KIDINS220: variants seen among roughly 807,000 people sequenced by gnomAD.
The protein encoded by KIDINS220 is kinase D-interacting substrate of 220 kDa.
Under a neutral mutation model 157.6 loss-of-function variants are expected in KIDINS220, and 63 were observed. That is an observed-to-expected ratio of 0.40 (90% CI 0.33 to 0.49). The LOEUF (loss-of-function observed/expected upper bound fraction) is 0.49, where lower values mean the gene tolerates loss of function less well. Among genes scored for constraint, KIDINS220 ranks in the 20% least tolerant of loss-of-function variants. KIDINS220 has a pLI of 0.66. For missense variants in KIDINS220, 1,772 were observed against 2,171.2 expected (o/e 0.82, Z 3.65); for synonymous variants, 732 against 783.6 (o/e 0.93, Z 1.10).
chr2:8,798,257 G>T lies in KIDINS220; in HGVS notation c.944C>A (p.Ala315Glu). ...CTGTAAGATATCTCTCACCATTGTTGCATTTCCTTTCTCAACAGCCCAATA... is the reference window on the plus strand; with the variant it reads ...CTGTAAGATATCTCTCACCATTGTTTCATTTCCTTTCTCAACAGCCCAATA... Reference protein sequence around the residue: ...ALYWAVEKGNATMVRDILQCN... With the variant: ...ALYWAVEKGNETMVRDILQCN... The change falls in exon 10 of 30, where the codon GCA (alanine) becomes GAA (glutamate). Residue 315 changes from alanine (A) to glutamate (E), a missense_variant. Ala to Glu is a moderately radical substitution (Grantham distance 107, BLOSUM62 -1). Coordinates refer to ENST00000256707, the MANE Select transcript of KIDINS220 (RefSeq NM_020738.4). The T allele has an allele frequency of 6.2e-7, 1 of 1,612,200 alleles. No homozygotes were observed. The highest frequency in any genetic ancestry group is 8.5e-7 in the Non-Finnish European group (1 of 1,178,590).
chr2:8,730,034 T>C lies in KIDINS220; in HGVS notation c.*686A>G, dbSNP rs1441985718. The C allele has an allele frequency of 4.1e-6, 4 of 985,320 alleles. No individual in the cohort carries two copies. In the African/African-American group the frequency reaches 5.2e-5, roughly 13 times the overall value. The allele number at this position is 985,320 out of a possible 1,614,324, so 61.0% of individuals were successfully genotyped here. Reference sequence around the variant, plus strand: ...GATTTGGAGAGAAGAGTTTCCGACATATAAACCCACGGAGGTCACCAGCCC... The same window carrying C: ...GATTTGGAGAGAAGAGTTTCCGACACATAAACCCACGGAGGTCACCAGCCC... On this transcript the variant is annotated 3_prime_UTR_variant, in exon 30 of 30. Coordinates refer to ENST00000256707, the MANE Select transcript of KIDINS220 (RefSeq NM_020738.4).
At chr2:8,753,612 A>T (rs1052517400) in intron 22 of KIDINS220, among the ~76,000 whole-genome samples, 13 of 152,252 alleles carry the variant, frequency 8.5e-5, no homozygotes, top group African/African-American at 3.1e-4. Flanking sequence ...CAATTAAACA[A>T]GAATATTAAC....
At chr2:8,739,708 A>C (rs1001179708) in intron 26 of KIDINS220, among the ~76,000 whole-genome samples, 2 of 152,246 alleles carry the variant, frequency 1.3e-5, no homozygotes, top group Non-Finnish European at 2.9e-5. Flanking sequence ...TATTGAAATT[A>C]TCTAAGTCAA....
At chr2:8,832,190 G>A (rs988891811) in intron 1 of KIDINS220, among the ~76,000 whole-genome samples, 4 of 152,110 alleles carry the variant, frequency 2.6e-5, no homozygotes, top group African/African-American at 9.7e-5. Flanking sequence ...GACCCCCAAC[G>A]TTCCCTAGGA....
intron 2 of KIDINS220, among the ~76,000 whole-genome samples, chr2:8,824,795 A>G (rs1045155671): frequency 6.6e-6 from 1 of 152,230 alleles, no homozygotes; most frequent in Non-Finnish European, 1.5e-5. Flanking sequence ...ACAGATGAAT[A>G]GACCAAGAAA....
At chr2:8,774,372 GAAAC>G in intron 21 of KIDINS220, among the ~76,000 whole-genome samples, 1 of 151,686 alleles carries the variant, frequency 6.6e-6, no homozygotes, top group Non-Finnish European at 1.5e-5. Context: ...CTACTGAGGG[GAAAC>G]AAACAAAAAC....
chr2:8,783,713 T>C (rs1558413046), intron 17 of KIDINS220, among the ~76,000 whole-genome samples: 1 of 152,162 alleles, frequency 6.6e-6, no homozygotes. Context: ...TTACTATATA[T>C]ATTAACACTG....
rs756161519 is a variant in KIDINS220, at chr2:8,788,802, G to A, written c.1632C>T (p.Tyr544=). ...ALLYIFFIVI[Y]FGGRREGESW... ...TCTCTCCTTCTCTTCGTCCACCAAA[G>A]TAAATGACAACTGAAATTCACAGTT... The change falls in exon 15 of 30, where the codon TAC becomes TAT. Residue 544 remains tyrosine (Y), a synonymous_variant. Transcript: ENST00000256707. The A allele has an allele frequency of 6.2e-7, 1 of 1,613,018 alleles. No homozygotes were observed. The highest frequency in any genetic ancestry group is 1.1e-5 in the South Asian group (1 of 90,858).
At chr2:8,799,758 A>C (rs952955257) in intron 9 of KIDINS220, among the ~76,000 whole-genome samples, 1 of 152,252 alleles carries the variant, frequency 6.6e-6, no homozygotes. Flanking sequence ...CAAATACAAG[A>C]AAAAACTGAG....
At chr2:8,798,350 A>T in intron 9 of KIDINS220, 50 bp from the exon 10 acceptor site, 3 of 997,254 alleles carry the variant, frequency 3.0e-6, no homozygotes, top group Non-Finnish European at 4.8e-6. Context: ...ACAATATTTA[A>T]AACTGCTACT....
At chr2:8,781,788 T>C (rs759705813) in intron 17 of KIDINS220, among the ~76,000 whole-genome samples, 82 of 152,240 alleles carry the variant, frequency 5.4e-4, no homozygotes, top group Non-Finnish European at 1.1e-3. Flanking sequence ...AGAAAATTTA[T>C]AGCACTGAAT....
At chr2:8,778,538 T>G in intron 20 of KIDINS220, 101 bp downstream of exon 20, 1 of 846,234 alleles carries the variant, frequency 1.2e-6, no homozygotes, top group Non-Finnish European at 2.1e-6. Context: ...TTGAAGCGTT[T>G]AATGCAATAT....
At chr2:8,816,693 C>T (rs1252030724) in intron 4 of KIDINS220, among the ~76,000 whole-genome samples, 1 of 152,212 alleles carries the variant, frequency 6.6e-6, no homozygotes, top group East Asian at 1.9e-4. Flanking sequence ...ATTTCACTCT[C>T]GGCTGTCATA....
chr2:8,812,415 T>C lies in KIDINS220; in HGVS notation c.484A>G (p.Lys162Glu). The C allele has an allele frequency of 1.3e-6, 2 of 1,598,320 alleles. No homozygotes were observed. The highest frequency in any genetic ancestry group is 1.7e-6 in the Non-Finnish European group (2 of 1,171,938). The change falls in exon 6 of 30, where the codon AAA becomes GAA. Residue 162 changes from lysine to glutamate, a missense_variant. Lys to Glu is a moderately conservative substitution (Grantham distance 56, BLOSUM62 1). Transcript: ENST00000256707. ...IVHLLLQNGAKVNCSDKYGTT... is the reference protein window; with the variant it reads ...IVHLLLQNGAEVNCSDKYGTT... ...CCTACCTTATCAGAGCAGTTGACTT[T>C]AGCACCATTTTGCAGTAAAAGATGA...
chr2:8,729,209 T>C lies in KIDINS220; in HGVS notation c.*1511A>G. ...TAAAGATCATGCAAAATAAACACTG[T>C]ATTAAAATGCTAGATTACACTCAAA... On this transcript the variant is annotated 3_prime_UTR_variant, in exon 30 of 30. Transcript: ENST00000256707. 5 of 985,044 alleles carry C rather than the reference T, an allele frequency of 5.1e-6. No homozygotes were observed. The highest frequency in any genetic ancestry group is 6.0e-6 in the Non-Finnish European group (5 of 829,362). 61.0% of individuals were successfully genotyped at this position (985,044 alleles called of 1,614,324 possible).
chr2:8,753,843 T>C (rs1308871926), intron 22 of KIDINS220, among the ~76,000 whole-genome samples: 2 of 152,162 alleles, frequency 1.3e-5, no homozygotes, highest in East Asian at 1.9e-4. Flanking sequence ...AAGAAGAGAA[T>C]AGGGTGCTGG....
At chr2:8,790,951 A>G (rs776517380) in intron 13 of KIDINS220, 109 bp downstream of exon 13, 7 of 967,234 alleles carry the variant, frequency 7.2e-6, no homozygotes. Flanking sequence ...TCAGTAAACC[A>G]CATAACACAC....
Position 8,730,024 on chromosome 2 carries a change from G to C in KIDINS220, c.*696C>G, listed in dbSNP as rs536535273. 3.0e-6 allele frequency: 3 copies of C among 985,472 alleles called. No individual in the cohort carries two copies. In the South Asian group the frequency reaches 1.4e-4, roughly 46 times the overall value. The allele number at this position is 985,472 out of a possible 1,614,324, so 61.0% of individuals were successfully genotyped here. On this transcript the variant is annotated 3_prime_UTR_variant, in exon 30 of 30. Coordinates refer to ENST00000256707, the MANE Select transcript of KIDINS220 (RefSeq NM_020738.4). ...CCAGGCCTGGGATTTGGAGAGAAGA[G>C]TTTCCGACATATAAACCCACGGAGG...
At chr2:8,802,843 C>T in intron 8 of KIDINS220, 87 bp downstream of exon 8, 1 of 1,001,802 alleles carries the variant, frequency 1.0e-6, no homozygotes, top group Non-Finnish European at 1.5e-6. Flanking sequence ...TTATGTCATG[C>T]ATGAGAATCT....
Sources: gnomAD v4.1 joint callset for allele counts (sites outside exome capture counted in the v4.1 genomes callset) on GRCh38, gnomAD v4.1.1 for gene constraint, MANE v1.5 for transcripts, NCBI Gene and HGNC (gene_info 2026-07-23, HGNC 2026-07-21) for gene names.